RARA: variants seen among roughly 807,000 people sequenced by gnomAD.
RARA encodes retinoic acid receptor alpha, also known as PML-DDX5-RARA fusion.
A neutral mutation model predicts 42.8 loss-of-function variants in RARA; 5 were observed. The ratio of observed to expected loss-of-function variants is 0.12; its 90% CI spans 0.06 to 0.25. RARA has a LOEUF of 0.25. Among genes scored for constraint, RARA ranks in the 10% least tolerant of loss-of-function variants. The pLI is 1.00. For missense variants in RARA, 402 were observed against 628.7 expected, an observed-to-expected ratio of 0.64 and a Z score of 3.86; for synonymous variants, 256 against 259.5, an observed-to-expected ratio of 0.99 and a Z score of 0.13.
chr17:40,321,547 C>T (rs1328968970), intron 1 of RARA, among the ~76,000 whole-genome samples: 1 of 152,194 alleles, frequency 6.6e-6, no homozygotes, highest in Non-Finnish European at 1.5e-5. Context: ...TCCCTAGACC[C>T]TCCAGCACAC....
Position 40,345,346 on chromosome 17 carries a change from C to G in RARA, c.179-2970C>G, listed in dbSNP as rs1412717120. The G allele has an allele frequency of 6.6e-6, 1 of 152,530 alleles. No individual in the cohort carries two copies. Among genetic ancestry groups the G allele is most frequent in the Admixed American group, 6.5e-5 (1 of 15,294 alleles). The allele number at this position is 152,530 out of a possible 1,614,324, so 9.4% of individuals were successfully genotyped here. On this transcript the variant is annotated intron_variant, in intron 2 of 8. Coordinates refer to ENST00000254066, the MANE Select transcript of RARA (RefSeq NM_000964.4). This position sits in a 1 kb window ranked among gnomAD's most constrained non-coding sequence, Gnocchi z 4.8. ...AGAGGGCCCTACGCCCCCTCCCCAA[C>G]CATCCCCAGGGGCTGCGAGGGGAGC...
At chr17:40,309,936 CTG>C (rs150551348) in intron 1 of RARA, among the ~76,000 whole-genome samples, 3 of 150,884 alleles carry the variant, frequency 2.0e-5, no homozygotes, top group African/African-American at 4.8e-5. Flanking sequence ...CCGACCCCAC[CTG>C]TGTGTGTGTG....
chr17:40,356,146 C>G lies in RARA; in HGVS notation c.1309C>G (p.Leu437Val). 2 of 1,554,538 alleles carry G rather than the reference C, an allele frequency of 1.3e-6. No individual in the cohort carries two copies. The highest frequency in any genetic ancestry group is 1.7e-6 in the Non-Finnish European group (2 of 1,149,068). Reference protein sequence around the residue: ...PGGGGRDGGGLAPPPGSCSPS... With the variant: ...PGGGGRDGGGVAPPPGSCSPS... ...GGGTGGGGGGCGGGACGGGGGTGGC[C>G]TGGCCCCCCCGCCAGGCAGCTGTAG... is the stretch of plus-strand genomic sequence containing the variant. The change falls in exon 9 of 9, where the codon CTG becomes GTG. Residue 437 changes from leucine (L) to valine (V), a missense_variant. Around this residue, in one of 5 missense-constraint regions of RARA, gnomAD observed 73 missense variants for 59.8 expected, o/e 1.22. Coordinates refer to ENST00000254066, the MANE Select transcript of RARA (RefSeq NM_000964.4).
At chr17:40,342,579 T>C in intron 2 of RARA, 2 of 1,381,780 alleles carry the variant, frequency 1.4e-6, no homozygotes, top group Non-Finnish European at 1.9e-6. Context: ...CCTGCCCGGG[T>C]CACCAGTCGG....
chr17:40,341,823 G>A (rs548571900), intron 2 of RARA: 3 of 1,151,654 alleles, frequency 2.6e-6, no homozygotes, highest in Non-Finnish European at 3.3e-6. Flanking sequence ...GAGCCTGGGA[G>A]CCGGAACTGG....
At position 40,326,764 on chromosome 17, in the gene RARA, A is replaced by G. The variant is rs2033556462; in HGVS notation, c.-362-4093A>G. On this transcript the variant is annotated intron_variant, in intron 1 of 8. Coordinates refer to ENST00000254066, the MANE Select transcript of RARA (RefSeq NM_000964.4). This position sits in a 1 kb window ranked among gnomAD's most constrained non-coding sequence, Gnocchi z 5.2. ...GTAGTTTGTTTTCCCTCTCTTTGGT[A>G]CTGGTTTCGATTCTCTGCCGAGGCC... Among the ~76,000 whole-genome samples the G allele has an allele frequency of 6.6e-6, 1 of 151,876 alleles. No homozygotes were observed. The highest frequency in any genetic ancestry group is 1.5e-5 in the Non-Finnish European group (1 of 67,966).
At chr17:40,321,017 C>A (rs968300758) in intron 1 of RARA, among the ~76,000 whole-genome samples, 2 of 152,134 alleles carry the variant, frequency 1.3e-5, no homozygotes, top group Admixed American at 1.3e-4. Flanking sequence ...TGAACATTCT[C>A]TCTGACGCCT....
At chr17:40,343,475 G>A (rs1452283136) in intron 2 of RARA, among the ~76,000 whole-genome samples, 3 of 152,214 alleles carry the variant, frequency 2.0e-5, no homozygotes, top group Admixed American at 2.0e-4. Context: ...TTGGCAAGGG[G>A]CACTGGGTCC....
At chr17:40,311,069 C>T (rs913288445) in intron 1 of RARA, among the ~76,000 whole-genome samples, 1 of 152,064 alleles carries the variant, frequency 6.6e-6, no homozygotes, top group Non-Finnish European at 1.5e-5. Context: ...CATACTTGCT[C>T]CCCTGAGCCA....
In RARA at chr17:40,321,972, C is replaced by T. The variant is rs997918561; in HGVS notation, c.-362-8885C>T. Among the ~76,000 whole-genome samples the T allele has an allele frequency of 3.3e-5, 5 of 152,134 alleles. No individual in the cohort carries two copies. The South Asian group carries it at 8.3e-4, about 25-fold the overall frequency. ...ATCCCTGGCTGCAGAGCTGGGCTGC[C>T]CTCCTTCAAGTTTTCAGAGCTGTGC... On this transcript the variant is annotated intron_variant, in intron 1 of 8. Coordinates refer to ENST00000254066, the MANE Select transcript of RARA (RefSeq NM_000964.4).
rs2034428196 is a variant in RARA at position 40,351,081 on chromosome 17, A to G, written c.470-829A>G. ...TAGAATTAAAGCTTCCGAATGATAA[A>G]CGTCTTGTCACAGCTGCAATTTTCT... On this transcript the variant is annotated intron_variant, in intron 4 of 8. Coordinates refer to ENST00000254066, the MANE Select transcript of RARA (RefSeq NM_000964.4). This position sits in a 1 kb window ranked among gnomAD's most constrained non-coding sequence, Gnocchi z 4.1. Among the ~76,000 whole-genome samples the G allele has an allele frequency of 6.6e-6, 1 of 151,658 alleles. No homozygotes were observed. Among genetic ancestry groups the G allele is most frequent in the African/African-American group, 2.4e-5 (1 of 41,224 alleles).
intron 1 of RARA, among the ~76,000 whole-genome samples, chr17:40,312,003 G>A (rs988620229): frequency 6.6e-6 from 1 of 152,162 alleles, no homozygotes; most frequent in African/African-American, 2.4e-5. Context: ...CATGATATCT[G>A]CAGGTGGCTA....
At chr17:40,342,736 C>A in intron 2 of RARA, 1 of 1,612,424 alleles carries the variant, frequency 6.2e-7, no homozygotes, top group Non-Finnish European at 8.5e-7. Flanking sequence ...GGGGGTCCCA[C>A]CCCTAATCCC....
intron 1 of RARA, among the ~76,000 whole-genome samples, chr17:40,324,988 C>T (rs1428424959): frequency 6.6e-6 from 1 of 152,018 alleles, no homozygotes; most frequent in Non-Finnish European, 1.5e-5. Context: ...CGTGGTGGCT[C>T]ACGCCTGTAA....
intron 6 of RARA, among the ~76,000 whole-genome samples, chr17:40,353,803 C>T (rs2034527696): frequency 6.6e-6 from 1 of 152,168 alleles, no homozygotes; most frequent in Non-Finnish European, 1.5e-5. Context: ...GGGCTCCCAT[C>T]CCCATGCCGT....
chr17:40,341,829 AC>A, intron 2 of RARA: 1 of 1,138,026 alleles, frequency 8.8e-7, no homozygotes, highest in Non-Finnish European at 1.1e-6. Flanking sequence ...GGGAGCCGGA[AC>A]TGGTACAAGG....
chr17:40,333,667 C>T (rs2033765121), intron 2 of RARA, among the ~76,000 whole-genome samples: 1 of 146,676 alleles, frequency 6.8e-6, no homozygotes, highest in Non-Finnish European at 1.5e-5. Flanking sequence ...CATAGGGTCT[C>T]ACTCTGTCTC....
In RARA at chr17:40,351,903, T is replaced by C; in HGVS notation, c.470-7T>C. 6.2e-7 allele frequency: 1 copy of C among 1,610,812 alleles called. No individual in the cohort carries two copies. Among genetic ancestry groups the C allele is most frequent in the Non-Finnish European group, 8.5e-7 (1 of 1,179,068 alleles). On this transcript the variant is annotated splice_polypyrimidine_tract_variant and splice_region_variant and intron_variant, in intron 4 of 8. Coordinates refer to ENST00000254066, the MANE Select transcript of RARA (RefSeq NM_000964.4). The surrounding 1 kb of genome is among the most constrained non-coding windows in gnomAD (Gnocchi z 4.1). ...GCTGCCCTCTTAACCCCCTCTGCCC[T>C]CCACAGCTGTGAGAAACGACCGAAA...
In RARA at chr17:40,352,887, T is replaced by C. The variant is rs1165352820; in HGVS notation, c.807+380T>C. On this transcript the variant is annotated intron_variant, in intron 6 of 8. Coordinates refer to ENST00000254066, the MANE Select transcript of RARA (RefSeq NM_000964.4). The surrounding 1 kb of genome is among the most constrained non-coding windows in gnomAD (Gnocchi z 4.9). The stretch of plus-strand genomic sequence containing the variant: ...TGAGGCTGGAAGTTCAAGACCACCC[T>C]GGGCAACATAGTGAGACCTTATTTC... Among the ~76,000 whole-genome samples, 7 of 152,190 alleles carry C rather than the reference T, an allele frequency of 4.6e-5. No homozygotes were observed. The highest frequency in any genetic ancestry group is 4.6e-4 in the Admixed American group (7 of 15,280).
Sources: allele counts gnomAD v4.1 joint callset (sites outside exome capture counted in the v4.1 genomes callset), GRCh38; gene constraint gnomAD v4.1.1; regional missense constraint gnomAD v4.1.1; non-coding constraint Gnocchi (gnomAD v3.1); transcripts MANE v1.5; gene names NCBI Gene and HGNC (gene_info 2026-07-23, HGNC 2026-07-21).